Variants in EVL observed in about 807,000 individuals in gnomAD.
EVL encodes the protein ena/VASP-like protein.
EVL carries 21 observed loss-of-function variants against 59.6 expected under a neutral mutation model. That is an observed-to-expected ratio of 0.35 (90% CI 0.25 to 0.51). The LOEUF (loss-of-function observed/expected upper bound fraction) is 0.51. Among genes scored for constraint, EVL ranks in the 20% least tolerant of loss-of-function variants. The pLI is 0.97. For missense variants in EVL, 462 were observed against 546.6 expected, an observed-to-expected ratio of 0.85 and a Z score of 1.54; for synonymous variants, 198 against 203.5, an observed-to-expected ratio of 0.97 and a Z score of 0.23.
intron 1 of EVL, among the ~76,000 whole-genome samples, chr14:100,006,081 C>G (rs1349460562): frequency 6.6e-6 from 1 of 151,064 alleles, no homozygotes; most frequent in East Asian, 1.9e-4. Context: ...ACTTCAGAGG[C>G]CTCGTTCCCC....
At chr14:99,973,902 C>A (rs375271015) in intron 1 of EVL, among the ~76,000 whole-genome samples, 1 of 152,058 alleles carries the variant, frequency 6.6e-6, no homozygotes, top group Non-Finnish European at 1.5e-5. Context: ...TTTTTCAGCA[C>A]CATTTATTAA....
chr14:100,133,868 C>G (rs565701520), intron 8 of EVL, among the ~76,000 whole-genome samples: 34 of 152,252 alleles, frequency 2.2e-4, no homozygotes, highest in Admixed American at 2.2e-3. Context: ...ACCTGGGAGG[C>G]GGAGGTTGTA....
intron 1 of EVL, among the ~76,000 whole-genome samples, chr14:99,973,904 A>G (rs776816208): frequency 6.6e-6 from 1 of 152,186 alleles, no homozygotes; most frequent in Non-Finnish European, 1.5e-5. Context: ...TTTCAGCACC[A>G]TTTATTAAAA....
At chr14:100,110,235 G>A (rs1886875025) in intron 3 of EVL, among the ~76,000 whole-genome samples, 1 of 152,188 alleles carries the variant, frequency 6.6e-6, no homozygotes, top group Non-Finnish European at 1.5e-5. Flanking sequence ...TTAGCTAAGT[G>A]TGATGGCGTG....
intron 1 of EVL, among the ~76,000 whole-genome samples, chr14:100,081,237 A>G (rs2062296091): frequency 1.3e-5 from 2 of 152,196 alleles, no homozygotes; most frequent in Admixed American, 1.3e-4. Context: ...TATCCAGGTG[A>G]AGATGTCGAG....
chr14:100,141,388 AAG>A, intron 12 of EVL, 142 bp downstream of exon 12: 1 of 828,766 alleles, frequency 1.2e-6, no homozygotes, highest in South Asian at 1.7e-5. Flanking sequence ...CCACGGCAGA[AAG>A]GGGGTGCCCA....
chr14:100,131,793 C>T (rs1020240032), intron 7 of EVL, among the ~76,000 whole-genome samples: 1 of 152,134 alleles, frequency 6.6e-6, no homozygotes, highest in African/African-American at 2.4e-5. Context: ...GAGAACTGAC[C>T]AGGCTGACAG....
Position 100,144,194 on chromosome 14 carries a change from C to T in EVL, c.*456C>T, listed in dbSNP as rs543306177. 1.7e-4 allele frequency: 30 copies of T among 177,240 alleles called. No individual in the cohort carries two copies. Among genetic ancestry groups the T allele is most frequent in the Non-Finnish European group, 3.0e-4 (25 of 83,160 alleles). 11.0% of individuals were successfully genotyped at this position (177,240 alleles called of 1,614,324 possible). ...TGTTGAAACTGTCTGTCATGCACCACGGTGTCTGTGTCCACACAGTAATAA... is the reference window on the plus strand; with the variant it reads ...TGTTGAAACTGTCTGTCATGCACCATGGTGTCTGTGTCCACACAGTAATAA... On this transcript the variant is annotated 3_prime_UTR_variant, in exon 14 of 14. Transcript: ENST00000392920.
chr14:99,982,720 T>A lies in EVL; in HGVS notation c.5+10663T>A, dbSNP rs1786371968. Among the ~76,000 whole-genome samples the A allele has an allele frequency of 4.6e-5, 7 of 152,228 alleles. No homozygotes were observed. The South Asian group carries it at 1.4e-3, about 32-fold the overall frequency. ...TGTCTTTAGGGCTGTGTGAAAGACA[T>A]CTACTCTTCAGTTTGCAGTTAATGT... On this transcript the variant is annotated intron_variant, in intron 1 of 13. Transcript: ENST00000402714.
In EVL at chr14:100,128,825, C is replaced by A. The variant is rs1349324135; in HGVS notation, c.717+77C>A. Reference sequence around the variant, plus strand: ...CATCTGCAGAGCGCTTGTGTTCCTTCCCGCATCTGCGAGACACAGCAAACT... The same window carrying A: ...CATCTGCAGAGCGCTTGTGTTCCTTACCGCATCTGCGAGACACAGCAAACT... On this transcript the variant is annotated intron_variant, in intron 6 of 13. Transcript: ENST00000392920. The A allele has an allele frequency of 3.8e-6, 5 of 1,306,042 alleles. No individual in the cohort carries two copies. The African/African-American group carries it at 5.8e-5, about 15-fold the overall frequency. The allele number at this position is 1,306,042 out of a possible 1,614,324, so 80.9% of individuals were successfully genotyped here.
At chr14:100,005,887 T>A (rs912701172) in intron 1 of EVL, among the ~76,000 whole-genome samples, 2 of 152,046 alleles carry the variant, frequency 1.3e-5, no homozygotes, top group African/African-American at 4.8e-5. Context: ...AACTGCAGCA[T>A]GGGGCGACAG....
At chr14:100,119,652 A>T (rs1035577883) in intron 3 of EVL, among the ~76,000 whole-genome samples, 1 of 152,256 alleles carries the variant, frequency 6.6e-6, no homozygotes, top group Non-Finnish European at 1.5e-5. Flanking sequence ...CAGTAATGCG[A>T]ACAAATATTT....
chr14:100,040,486 T>A (rs2061452516), intron 1 of EVL, among the ~76,000 whole-genome samples: 1 of 152,178 alleles, frequency 6.6e-6, no homozygotes, highest in South Asian at 2.1e-4. Context: ...TGGCTGCTCG[T>A]CTGCCCCTCA....
At chr14:100,064,602 A>G (rs1339844457), upstream of EVL, among the ~76,000 whole-genome samples, 1 of 152,226 alleles carries the variant, frequency 6.6e-6, no homozygotes, top group African/African-American at 2.4e-5. Flanking sequence ...ATTTTGTTCC[A>G]GAGTCAAATA....
upstream of EVL, among the ~76,000 whole-genome samples, chr14:100,061,233 T>C (rs560273485): frequency 6.6e-6 from 1 of 150,442 alleles, no homozygotes; most frequent in African/African-American, 2.4e-5. Flanking sequence ...CTACAAAAAA[T>C]ACAAAAATTA....
At chr14:99,998,675 A>G (rs988075034) in intron 1 of EVL, among the ~76,000 whole-genome samples, 1 of 152,194 alleles carries the variant, frequency 6.6e-6, no homozygotes, top group African/African-American at 2.4e-5. Context: ...CATGATTCCA[A>G]ATTTTTTTTA....
chr14:99,988,236 T>C (rs888188916), intron 1 of EVL, among the ~76,000 whole-genome samples: 4 of 152,002 alleles, frequency 2.6e-5, no homozygotes, highest in African/African-American at 7.2e-5. Flanking sequence ...GATTTTAAAA[T>C]GGGCAAATTA....
At chr14:100,053,492 T>C (rs2061678920) in intron 1 of EVL, among the ~76,000 whole-genome samples, 1 of 152,120 alleles carries the variant, frequency 6.6e-6, no homozygotes, top group Admixed American at 6.5e-5. Flanking sequence ...CTGTTCTTCA[T>C]AGAGTAACAC....
intron 3 of EVL, among the ~76,000 whole-genome samples, chr14:100,102,029 G>C (rs1375651224): frequency 3.3e-5 from 5 of 152,070 alleles, no homozygotes; most frequent in African/African-American, 1.2e-4. Context: ...GTAGAGACGA[G>C]GTTTCACCAT....
Sources: gnomAD v4.1 joint callset for allele counts (sites outside exome capture counted in the v4.1 genomes callset) on GRCh38, gnomAD v4.1.1 for gene constraint, MANE v1.5 for transcripts, NCBI Gene and HGNC (gene_info 2026-07-23, HGNC 2026-07-21) for gene names.